The following LMBRD1 variants were observed in gnomAD, a reference collection of about 807,000 sequenced individuals.
LMBRD1 encodes the protein LMBR1 domain containing 1, also known as lysosomal cobalamin transport escort protein LMBD1.
In LMBRD1, 64 loss-of-function variants were observed where a neutral mutation model predicts 74.8. The ratio of observed to expected loss-of-function variants is 0.86; its 90% CI spans 0.70 to 1.05. The LOEUF is 1.05. Ranked by LOEUF, LMBRD1 falls within the 50% of genes least tolerant of loss-of-function variation. The probability of loss-of-function intolerance (pLI) is 0.00; values close to 1 mark genes in which losing one functional copy is unlikely to be tolerated. For synonymous variants in LMBRD1, 204 were observed against 216.3 expected (o/e 0.94, Z 0.50); for missense variants, 652 against 645.9 (o/e 1.01, Z -0.10).
chr6:69,764,863 G>A (rs9364058), intron 3 of LMBRD1, among the ~76,000 whole-genome samples: 54,515 of 151,384 alleles, frequency 0.36, 10,420 homozygotes, highest in East Asian at 0.54. Context: ...CATGCTTTTG[G>A]TGCCATATCT....
intron 7 of LMBRD1, among the ~76,000 whole-genome samples, chr6:69,722,806 T>C (rs2149858928): frequency 6.6e-6 from 1 of 151,908 alleles, no homozygotes; most frequent in East Asian, 1.9e-4. Context: ...AACCAGAATA[T>C]AAATAACAAA....
At chr6:69,717,964 A>G (rs1256127776) in intron 8 of LMBRD1, among the ~76,000 whole-genome samples, 2 of 152,166 alleles carry the variant, frequency 1.3e-5, no homozygotes, top group African/African-American at 4.8e-5. Flanking sequence ...GTGAGCCACC[A>G]GTACGTACCT....
chr6:69,741,633 C>A (rs547298596), intron 6 of LMBRD1, among the ~76,000 whole-genome samples, 156 bp downstream of exon 6: 1 of 152,100 alleles, frequency 6.6e-6, no homozygotes, highest in Non-Finnish European at 1.5e-5. Flanking sequence ...ATCCACCCCC[C>A]ACCCCTCGGC....
In LMBRD1 at chr6:69,697,136, A is replaced by C. The variant is rs1472921040; in HGVS notation, c.1417+427T>G. Among the ~76,000 whole-genome samples, 3 of 152,126 alleles carry C rather than the reference A, an allele frequency of 2.0e-5. No homozygotes were observed. In the East Asian group the frequency reaches 5.8e-4, roughly 29 times the overall value. The stretch of plus-strand genomic sequence containing the variant: ...GCCTTGAAAACAACTGTATGTTTTT[A>C]AAGTTAACTGCTACTATAACTAACA... On this transcript the variant is annotated intron_variant, in intron 14 of 15. Transcript: ENST00000649934.
chr6:69,770,578 T>C (rs1038505661), intron 3 of LMBRD1, among the ~76,000 whole-genome samples: 1 of 152,192 alleles, frequency 6.6e-6, no homozygotes, highest in African/African-American at 2.4e-5. Context: ...TTATTCTCTC[T>C]CATTAACAAA....
At chr6:69,692,945 T>C (rs1319447136) in intron 14 of LMBRD1, among the ~76,000 whole-genome samples, 1 of 152,146 alleles carries the variant, frequency 6.6e-6, no homozygotes, top group African/African-American at 2.4e-5. Context: ...TTTTTGTCCA[T>C]TAAGGTATAT....
chr6:69,747,079 A>C (rs571208449), intron 5 of LMBRD1, among the ~76,000 whole-genome samples: 1 of 152,184 alleles, frequency 6.6e-6, no homozygotes, highest in East Asian at 1.9e-4. Context: ...AAAAAAACAA[A>C]ATCCATATGT....
At chr6:69,752,563 A>G (rs1376061082) in intron 3 of LMBRD1, among the ~76,000 whole-genome samples, 4 of 152,184 alleles carry the variant, frequency 2.6e-5, no homozygotes, top group Admixed American at 2.6e-4. Context: ...CAGAATAACA[A>G]CCCATAATTC....
intron 6 of LMBRD1, among the ~76,000 whole-genome samples, chr6:69,738,837 G>A (rs1284602767): frequency 6.6e-6 from 1 of 151,856 alleles, no homozygotes. Context: ...CAAGTCCTGT[G>A]GAATCAAATA....
intron 7 of LMBRD1, among the ~76,000 whole-genome samples, chr6:69,732,226 C>G (rs1349737281): frequency 6.6e-6 from 1 of 151,910 alleles, no homozygotes; most frequent in African/African-American, 2.4e-5. Flanking sequence ...AAATCTAATC[C>G]CCAGTGTGAT....
chr6:69,766,341 GTAAC>G (rs1765474729), intron 3 of LMBRD1, among the ~76,000 whole-genome samples: 1 of 151,818 alleles, frequency 6.6e-6, no homozygotes, highest in Non-Finnish European at 1.5e-5. Flanking sequence ...GTTCTCCTCT[GTAAC>G]TATTTTGCTG....
chr6:69,719,087 A>C lies in LMBRD1; in HGVS notation c.637-6T>G. ...AACGCAGACATGCCATAGGCCTAAA[A>C]GAAAAACAATTGAAATGTTTTAGAA... On this transcript the variant is annotated splice_polypyrimidine_tract_variant and splice_region_variant and intron_variant, in intron 7 of 15. Coordinates refer to ENST00000649934, the MANE Select transcript of LMBRD1 (RefSeq NM_018368.4). The C allele has an allele frequency of 6.2e-7, 1 of 1,611,578 alleles. No homozygotes were observed. The highest frequency in any genetic ancestry group is 2.2e-5 in the East Asian group (1 of 44,788).
intron 5 of LMBRD1, among the ~76,000 whole-genome samples, chr6:69,742,459 T>C (rs954973191): frequency 2.0e-5 from 3 of 152,152 alleles, no homozygotes; most frequent in African/African-American, 7.2e-5. Context: ...GTAGAAATAA[T>C]AGAGACAGCT....
At chr6:69,718,918 G>C in intron 8 of LMBRD1, 38 bp downstream of exon 8, 1 of 1,608,974 alleles carries the variant, frequency 6.2e-7, no homozygotes, top group South Asian at 1.1e-5. Flanking sequence ...AGACAAAGTA[G>C]TTTTATGCTT....
At chr6:69,733,471 A>C (rs3799116) in intron 7 of LMBRD1, among the ~76,000 whole-genome samples, 2 of 152,108 alleles carry the variant, frequency 1.3e-5, no homozygotes, top group East Asian at 3.9e-4. Flanking sequence ...TTTTTACTAA[A>C]ATTTCGGTAA....
chr6:69,723,244 C>T (rs998067374), intron 7 of LMBRD1, among the ~76,000 whole-genome samples: 1 of 152,090 alleles, frequency 6.6e-6, no homozygotes, highest in African/African-American at 2.4e-5. Flanking sequence ...ACCCCAATTT[C>T]AGTACTGGAC....
intron 2 of LMBRD1, among the ~76,000 whole-genome samples, chr6:69,782,706 A>C: frequency 6.6e-6 from 1 of 151,640 alleles, no homozygotes; most frequent in Admixed American, 6.6e-5. Context: ...AAAGAGAGAG[A>C]GAGAGAAAAG....
At chr6:69,793,727 T>C (rs1274578849) in intron 1 of LMBRD1, among the ~76,000 whole-genome samples, 1 of 148,404 alleles carries the variant, frequency 6.7e-6, no homozygotes, top group African/African-American at 2.5e-5. Context: ...TCTTTTTTTT[T>C]TTTTTTTTTT....
intron 14 of LMBRD1, among the ~76,000 whole-genome samples, chr6:69,679,431 T>C (rs983902200): frequency 6.6e-6 from 1 of 152,156 alleles, no homozygotes; most frequent in Non-Finnish European, 1.5e-5. Flanking sequence ...CACAGTGATA[T>C]AGCTATTCAA....
Sources: gnomAD v4.1 joint callset for allele counts (sites outside exome capture counted in the v4.1 genomes callset) on GRCh38, gnomAD v4.1.1 for gene constraint, MANE v1.5 for transcripts, NCBI Gene and HGNC (gene_info 2026-07-23, HGNC 2026-07-21) for gene names.